Variants in SPINT2 observed in about 807,000 individuals in gnomAD.
The protein encoded by SPINT2 is kunitz-type protease inhibitor 2.
Under a neutral mutation model 30.1 loss-of-function variants are expected in SPINT2, and 18 were observed. The ratio of observed to expected loss-of-function variants is 0.60; its 90% CI spans 0.41 to 0.89. The LOEUF (loss-of-function observed/expected upper bound fraction) is 0.89. Among genes scored for constraint, SPINT2 ranks in the 40% least tolerant of loss-of-function variants. The pLI is 0.00. For missense variants in SPINT2, 276 were observed against 334.3 expected (o/e 0.83, Z 1.36); for synonymous variants, 139 against 137.9 (o/e 1.01, Z -0.05).
chr19:38,288,793 A>C (rs545933175), intron 3 of SPINT2: 12 of 307,554 alleles, frequency 3.9e-5, no homozygotes, highest in South Asian at 2.6e-4. Flanking sequence ...TAGCCCCCCC[A>C]CACACCAGCT....
At chr19:38,265,067 G>A in intron 1 of SPINT2, 69 bp downstream of exon 1, 3 of 1,295,488 alleles carry the variant, frequency 2.3e-6, no homozygotes, top group South Asian at 2.8e-5. Flanking sequence ...ACGGGGGTCT[G>A]AGCAGGGAGA....
intron 6 of SPINT2, chr19:38,291,621 G>A (rs113937616): frequency 7.9e-4 from 456 of 575,086 alleles, no homozygotes; most frequent in Non-Finnish European, 1.2e-3. Context: ...CTGCTGGCAC[G>A]CACATAGCAT....
At chr19:38,291,607 C>T (rs896915588) in intron 6 of SPINT2, 23 of 553,738 alleles carry the variant, frequency 4.2e-5, no homozygotes, top group Non-Finnish European at 7.1e-5. Context: ...GCGACACGGC[C>T]ACTCTGCTGG....
chr19:38,265,950 A>G (rs1284933271), intron 1 of SPINT2, among the ~76,000 whole-genome samples: 4 of 152,186 alleles, frequency 2.6e-5, no homozygotes, highest in Non-Finnish European at 4.4e-5. Context: ...AGTTACTGAG[A>G]ATTAAATGAA....
rs2146281066 is a variant in SPINT2, at chr19:38,291,837, CAGT to C, written c.593-2_593del. On this transcript the variant is annotated splice_acceptor_variant and coding_sequence_variant, in exon 7 of 7. Transcript: ENST00000301244. LOFTEE classifies it high-confidence loss of function. ...CGTCCTGAGGCCCCTCTCTCGTCCTCAGTGGTGGTTCTGGCGGGGCTGTTCGTG... is the reference window on the plus strand; with the variant it reads ...CGTCCTGAGGCCCCTCTCTCGTCCTCGGTGGTTCTGGCGGGGCTGTTCGTG... The C allele has an allele frequency of 6.2e-7, 1 of 1,612,282 alleles. No homozygotes were observed. The highest frequency in any genetic ancestry group is 2.2e-5 in the East Asian group (1 of 44,868).
chr19:38,290,890 G>A lies in SPINT2; in HGVS notation c.592+315G>A, dbSNP rs1362095518. The A allele has an allele frequency of 1.7e-5, 8 of 476,174 alleles. No individual in the cohort carries two copies. Among genetic ancestry groups the A allele is most frequent in the Non-Finnish European group, 2.7e-5 (7 of 257,874 alleles). 29.5% of individuals were successfully genotyped at this position (476,174 alleles called of 1,614,324 possible). ...GGCTGGCCTGAGGTGTGGAGGGAGC[G>A]CTGCTATGTGGGGCATAAGAGTTGG... is the stretch of plus-strand genomic sequence containing the variant. On this transcript the variant is annotated intron_variant, in intron 6 of 6. Transcript: ENST00000301244. This position sits in a 1 kb window ranked among gnomAD's most constrained non-coding sequence, Gnocchi z 4.3.
Position 38,264,806 on chromosome 19 carries a change from G to A in SPINT2, c.-87G>A. 1 of 1,382,494 alleles carries A rather than the reference G, an allele frequency of 7.2e-7. No individual in the cohort carries two copies. The highest frequency in any genetic ancestry group is 1.3e-5 in the South Asian group (1 of 79,558). The allele number at this position is 1,382,494 out of a possible 1,614,324, so 85.6% of individuals were successfully genotyped here. A position where few individuals can be genotyped will look rare whatever the true frequency, so the allele number is the denominator to read the frequency against. The stretch of plus-strand genomic sequence containing the variant: ...GCACCTGAACGCGAGGCGCTCCATT[G>A]CGCGTGCGCGTTGAGGGGCTTCCCG... On this transcript the variant is annotated 5_prime_UTR_variant, in exon 1 of 7. Transcript: ENST00000301244.
At chr19:38,269,264 ATT>A (rs780321221) in intron 1 of SPINT2, among the ~76,000 whole-genome samples, 1 of 151,298 alleles carries the variant, frequency 6.6e-6, no homozygotes, top group African/African-American at 2.4e-5. Context: ...CGCCCGGCTA[ATT>A]TTTTGTATTT....
intron 1 of SPINT2, among the ~76,000 whole-genome samples, chr19:38,272,531 G>A (rs538822539): frequency 7.2e-5 from 11 of 152,260 alleles, no homozygotes; most frequent in Admixed American, 3.9e-4. Context: ...GGCTGAATGC[G>A]AATTAACAGC....
chr19:38,271,863 G>T (rs1411032763), intron 1 of SPINT2, among the ~76,000 whole-genome samples: 2 of 151,824 alleles, frequency 1.3e-5, no homozygotes, highest in African/African-American at 4.8e-5. Context: ...TTACTCACAC[G>T]TGTTGGAGAT....
chr19:38,276,885 C>T (rs938846057), intron 1 of SPINT2, among the ~76,000 whole-genome samples: 1 of 151,904 alleles, frequency 6.6e-6, no homozygotes, highest in East Asian at 2.0e-4. Context: ...ACTGCAACCT[C>T]CACCTCTTGG....
At chr19:38,280,184 G>C (rs369530004) in intron 1 of SPINT2, among the ~76,000 whole-genome samples, 1 of 152,140 alleles carries the variant, frequency 6.6e-6, no homozygotes, top group Non-Finnish European at 1.5e-5. Context: ...GCTAGAAGAG[G>C]CACTGGCTCA....
chr19:38,291,057 T>C (rs912294491), intron 6 of SPINT2: 2 of 222,450 alleles, frequency 9.0e-6, no homozygotes, highest in African/African-American at 4.6e-5. Flanking sequence ...GCCATGCCAG[T>C]CTGGCCTCTT....
At chr19:38,279,610 A>G (rs547109090) in intron 1 of SPINT2, among the ~76,000 whole-genome samples, 107 of 152,322 alleles carry the variant, frequency 7.0e-4, no homozygotes, top group Middle Eastern at 3.4e-3. Flanking sequence ...TCTTTCAGAC[A>G]TGTTTTTAGT....
At chr19:38,285,938 G>A (rs1211536430) in intron 2 of SPINT2, among the ~76,000 whole-genome samples, 1 of 152,194 alleles carries the variant, frequency 6.6e-6, no homozygotes, top group Admixed American at 6.5e-5. Context: ...GGGAGCTGAA[G>A]TGTTGAGAAC....
intron 4 of SPINT2, chr19:38,289,491 A>AAAAAAAAAAAAAAAAAAAAAAAC (rs1968686397): frequency 5.8e-6 from 1 of 173,334 alleles, no homozygotes; most frequent in African/African-American, 2.8e-5. Context: ...TCTCAAAAAA[A>AAAAAAAAAAAAAAAAAAAAAAAC]AAAAAAAAAA....
chr19:38,274,445 A>G (rs1182139100), intron 1 of SPINT2, among the ~76,000 whole-genome samples: 2 of 152,058 alleles, frequency 1.3e-5, no homozygotes, highest in African/African-American at 4.8e-5. Flanking sequence ...CTCCTTGGCT[A>G]CTATCCTTAG....
intron 2 of SPINT2, among the ~76,000 whole-genome samples, chr19:38,284,276 T>G (rs1029590320): frequency 2.9e-4 from 44 of 152,106 alleles, no homozygotes; most frequent in African/African-American, 1.1e-3. Context: ...AAATTTTTTA[T>G]AGAGGCGGGG....
At chr19:38,275,539 G>C (rs1298196602) in intron 1 of SPINT2, among the ~76,000 whole-genome samples, 2 of 151,988 alleles carry the variant, frequency 1.3e-5, no homozygotes, top group South Asian at 4.1e-4. Context: ...TAGCCAGGGT[G>C]GTCTTGAAAT....
Sources: gnomAD v4.1 joint callset for allele counts (sites outside exome capture counted in the v4.1 genomes callset) on GRCh38, gnomAD v4.1.1 for gene constraint, Gnocchi (gnomAD v3.1) non-coding constraint, MANE v1.5 for transcripts, NCBI Gene and HGNC (gene_info 2026-07-23, HGNC 2026-07-21) for gene names.